TIAM1: variants seen among roughly 807,000 people sequenced by gnomAD.
The protein encoded by TIAM1 is rho guanine nucleotide exchange factor TIAM1.
TIAM1 carries 65 observed loss-of-function variants against 163.5 expected under a neutral mutation model. That is an observed-to-expected ratio of 0.40 (90% CI 0.33 to 0.49). TIAM1 has a LOEUF of 0.49. Among genes scored for constraint, TIAM1 ranks in the 20% least tolerant of loss-of-function variants. TIAM1 has a pLI of 0.77. For synonymous variants in TIAM1, 833 were observed against 810.1 expected (o/e 1.03, Z -0.48); for missense variants, 1,789 against 2,044.7 (o/e 0.87, Z 2.41).
At position 31,153,153 on chromosome 21, in the gene TIAM1, A is replaced by C; in HGVS notation, c.3172-19T>G. On this transcript the variant is annotated intron_variant, in intron 17 of 27. Coordinates refer to ENST00000541036, the MANE Select transcript of TIAM1 (RefSeq NM_001353694.2). The stretch of plus-strand genomic sequence containing the variant: ...TTAAATCCTAAGAATTGAAAAGAGA[A>C]CTCATTAGCTTATGTGTTTTATTTT... The C allele has an allele frequency of 6.3e-7, 1 of 1,590,468 alleles. No individual in the cohort carries two copies. The highest frequency in any genetic ancestry group is 1.1e-5 in the South Asian group (1 of 87,824).
intron 2 of TIAM1, among the ~76,000 whole-genome samples, chr21:31,438,998 A>G (rs1289402794): frequency 1.3e-5 from 2 of 152,228 alleles, no homozygotes. Flanking sequence ...GATCCACTAG[A>G]GCTGTGAGAA....
At chr21:31,247,712 G>A (rs937473314) in intron 5 of TIAM1, among the ~76,000 whole-genome samples, 2 of 152,004 alleles carry the variant, frequency 1.3e-5, no homozygotes, top group African/African-American at 4.8e-5. Context: ...TTTTAGTTTG[G>A]GGTTTAAAAG....
intron 8 of TIAM1, among the ~76,000 whole-genome samples, 187 bp downstream of exon 8, chr21:31,223,215 GAGAT>G (rs60842070): frequency 0.12 from 18,501 of 152,058 alleles, 3,575 homozygotes; most frequent in African/African-American, 0.41. Flanking sequence ...CCCCCATCAA[GAGAT>G]AGATGCTTAA....
At chr21:31,387,476 G>T (rs2284508) in intron 2 of TIAM1, among the ~76,000 whole-genome samples, 3 of 151,658 alleles carry the variant, frequency 2.0e-5, no homozygotes, top group African/African-American at 7.3e-5. Flanking sequence ...GCCTCCCAAA[G>T]TGCTGGGATT....
intron 2 of TIAM1, among the ~76,000 whole-genome samples, chr21:31,393,465 C>G (rs1167830431): frequency 6.6e-6 from 1 of 152,168 alleles, no homozygotes; most frequent in Non-Finnish European, 1.5e-5. Context: ...CCTCTGCACC[C>G]AGAACACGCC....
chr21:31,488,176 A>G (rs1320205725), intron 1 of TIAM1, among the ~76,000 whole-genome samples: 2 of 152,204 alleles, frequency 1.3e-5, no homozygotes, highest in East Asian at 3.9e-4. Flanking sequence ...AAGGCAGGAG[A>G]CTGTCAGGCA....
intron 2 of TIAM1, among the ~76,000 whole-genome samples, chr21:31,448,620 A>C (rs1468418249): frequency 1.3e-5 from 2 of 150,942 alleles, no homozygotes; most frequent in African/African-American, 2.4e-5. Flanking sequence ...AAAAAAAAAA[A>C]AAAAAACAAG....
In TIAM1 at chr21:31,166,410, C is replaced by G. The variant is rs573218380; in HGVS notation, c.2888-1345G>C. Reference sequence around the variant, plus strand: ...AAGTGGCTACCTTGCTCCAATGACACCATTACAGCTGTAAGCTGCCTGGCA... The same window carrying G: ...AAGTGGCTACCTTGCTCCAATGACAGCATTACAGCTGTAAGCTGCCTGGCA... On this transcript the variant is annotated intron_variant, in intron 15 of 27. Coordinates refer to ENST00000541036, the MANE Select transcript of TIAM1 (RefSeq NM_001353694.2). Among the ~76,000 whole-genome samples, 3 of 152,306 alleles carry G rather than the reference C, an allele frequency of 2.0e-5. No homozygotes were observed. The South Asian group carries it at 6.2e-4, about 32-fold the overall frequency.
At chr21:31,304,103 G>C (rs1201706604) in intron 2 of TIAM1, among the ~76,000 whole-genome samples, 1 of 151,996 alleles carries the variant, frequency 6.6e-6, no homozygotes, top group Non-Finnish European at 1.5e-5. Context: ...GCTTCTGAGG[G>C]CTCTGGCCTT....
chr21:31,537,808 A>G (rs2048188632), intron 1 of TIAM1, among the ~76,000 whole-genome samples: 1 of 152,116 alleles, frequency 6.6e-6, no homozygotes, highest in South Asian at 2.1e-4. Context: ...ATAGAAAACT[A>G]GGGTATTAAG....
At chr21:31,394,698 TCTCTCTCTCG>T (rs1186187827) in intron 2 of TIAM1, among the ~76,000 whole-genome samples, 27 of 130,926 alleles carry the variant, frequency 2.1e-4, no homozygotes, top group South Asian at 1.1e-3. Context: ...TCTCTCTCTC[TCTCTCTCTCG>T]CTCTCTCTCT....
intron 2 of TIAM1, among the ~76,000 whole-genome samples, chr21:31,404,847 T>TA (rs2077221346): frequency 6.6e-6 from 1 of 152,038 alleles, no homozygotes; most frequent in Admixed American, 6.6e-5. Flanking sequence ...AAATAAAGTT[T>TA]AAAAAAACAC....
At chr21:31,383,781 G>T (rs1242009095) in intron 2 of TIAM1, among the ~76,000 whole-genome samples, 1 of 152,192 alleles carries the variant, frequency 6.6e-6, no homozygotes, top group Non-Finnish European at 1.5e-5. Flanking sequence ...GAAATGAAAA[G>T]CGAGCTCATT....
At chr21:31,439,353 G>A (rs564813679) in intron 2 of TIAM1, among the ~76,000 whole-genome samples, 92 of 152,300 alleles carry the variant, frequency 6.0e-4, no homozygotes, top group African/African-American at 1.5e-3. Context: ...GCAGTGGCAC[G>A]ATCTCGGCTC....
chr21:31,394,696 TCTCTCTCTCTCG>T (rs1247414182), intron 2 of TIAM1, among the ~76,000 whole-genome samples: 14 of 131,608 alleles, frequency 1.1e-4, no homozygotes, highest in African/African-American at 3.6e-4. Flanking sequence ...ATTCTCTCTC[TCTCTCTCTCTCG>T]CTCTCTCTCT....
intron 4 of TIAM1, among the ~76,000 whole-genome samples, chr21:31,265,452 C>A (rs138632826): frequency 1.3e-5 from 2 of 152,032 alleles, no homozygotes; most frequent in East Asian, 3.9e-4. Flanking sequence ...CCTCCAGAGA[C>A]AGGGCTGGCC....
At chr21:31,157,440 A>G (rs2083678022) in intron 16 of TIAM1, among the ~76,000 whole-genome samples, 1 of 152,192 alleles carries the variant, frequency 6.6e-6, no homozygotes, top group Admixed American at 6.5e-5. Context: ...CCTGCTATGC[A>G]TTTGTATGAT....
chr21:31,309,314 C>G (rs531462450), intron 2 of TIAM1, among the ~76,000 whole-genome samples: 1 of 151,942 alleles, frequency 6.6e-6, no homozygotes. Context: ...AAAAATTAGC[C>G]GGGCACGGTG....
At chr21:31,145,687 T>C (rs144305869) in intron 20 of TIAM1, among the ~76,000 whole-genome samples, 7 of 152,290 alleles carry the variant, frequency 4.6e-5, no homozygotes, top group Admixed American at 6.5e-5. Flanking sequence ...TTTTCAAGGA[T>C]AACTGAGACA....
Sources: allele counts gnomAD v4.1 joint callset (sites outside exome capture counted in the v4.1 genomes callset), GRCh38; gene constraint gnomAD v4.1.1; transcripts MANE v1.5; gene names NCBI Gene and HGNC (gene_info 2026-07-23, HGNC 2026-07-21).